The following EXOC6B variants were observed in gnomAD, a reference collection of about 807,000 sequenced individuals.
The protein encoded by EXOC6B is SEC15 homolog B.
EXOC6B carries 54 observed loss-of-function variants against 113.5 expected under a neutral mutation model. The ratio of observed to expected loss-of-function variants is 0.48; its 90% CI spans 0.38 to 0.60. EXOC6B has a LOEUF of 0.60. EXOC6B is among the 20% of genes least tolerant of loss of function. The pLI is 0.00. For missense variants in EXOC6B, 797 were observed against 977.5 expected, an observed-to-expected ratio of 0.82 and a Z score of 2.46; for synonymous variants, 357 against 339.0, an observed-to-expected ratio of 1.05 and a Z score of -0.58.
At chr2:72,454,893 G>T (rs1344746569) in intron 18 of EXOC6B, among the ~76,000 whole-genome samples, 1 of 152,102 alleles carries the variant, frequency 6.6e-6, no homozygotes, top group Non-Finnish European at 1.5e-5. Context: ...CTAAACAAAA[G>T]ATCCCAATAC....
chr2:72,375,205 T>C (rs917406833), intron 19 of EXOC6B, among the ~76,000 whole-genome samples: 8 of 152,214 alleles, frequency 5.3e-5, no homozygotes, highest in African/African-American at 1.7e-4. Context: ...AGGATTGATA[T>C]TGATAAATAT....
At chr2:72,532,197 T>A (rs956378396) in intron 8 of EXOC6B, among the ~76,000 whole-genome samples, 16 of 152,170 alleles carry the variant, frequency 1.1e-4, no homozygotes, top group African/African-American at 3.9e-4. Context: ...AAATAAAACA[T>A]AAACGTTCTA....
At chr2:72,721,406 C>A (rs964930453) in intron 5 of EXOC6B, among the ~76,000 whole-genome samples, 213 of 25,752 alleles carry the variant, frequency 8.3e-3, no homozygotes, top group African/African-American at 0.011. Context: ...AGAAAATTCA[C>A]AAAAGAACCA....
intron 6 of EXOC6B, among the ~76,000 whole-genome samples, chr2:72,646,091 T>TA (rs1400830376): frequency 6.6e-6 from 1 of 151,776 alleles, no homozygotes; most frequent in Non-Finnish European, 1.5e-5. Context: ...ATAGACGCAA[T>TA]AAAAAATGAT....
At chr2:72,706,838 A>G (rs1028962531) in intron 6 of EXOC6B, among the ~76,000 whole-genome samples, 2 of 152,172 alleles carry the variant, frequency 1.3e-5, no homozygotes. Context: ...TGCTTTGACC[A>G]CTATAACACG....
At chr2:72,515,199 G>C in intron 8 of EXOC6B, 73 bp from the exon 9 acceptor site, 1 of 1,367,888 alleles carries the variant, frequency 7.3e-7, no homozygotes, top group Non-Finnish European at 1.0e-6. Flanking sequence ...GAAAAGAGAA[G>C]GTCCCAGGTC....
At chr2:72,810,871 T>C (rs932607111) in intron 1 of EXOC6B, among the ~76,000 whole-genome samples, 5 of 151,928 alleles carry the variant, frequency 3.3e-5, no homozygotes, top group Non-Finnish European at 7.4e-5. Flanking sequence ...CTGGGTGACA[T>C]GGCAAAGCCC....
intron 1 of EXOC6B, among the ~76,000 whole-genome samples, chr2:72,788,530 C>T (rs1177686600): frequency 6.6e-6 from 1 of 152,202 alleles, no homozygotes; most frequent in Non-Finnish European, 1.5e-5. Flanking sequence ...GGTGCAGTGG[C>T]TCGCACCTGT....
intron 6 of EXOC6B, among the ~76,000 whole-genome samples, chr2:72,606,523 G>C (rs1670762648): frequency 6.6e-6 from 1 of 152,054 alleles, no homozygotes; most frequent in South Asian, 2.1e-4. Context: ...GAGGACAGGA[G>C]TTGGAGACCA....
chr2:72,327,486 G>A (rs1234356949), intron 20 of EXOC6B, among the ~76,000 whole-genome samples: 1 of 152,020 alleles, frequency 6.6e-6, no homozygotes, highest in Non-Finnish European at 1.5e-5. Flanking sequence ...GTGCTAAAAT[G>A]ATTTTCATAG....
intron 20 of EXOC6B, among the ~76,000 whole-genome samples, chr2:72,317,772 C>T (rs1255713748): frequency 2.0e-5 from 3 of 152,122 alleles, no homozygotes. Context: ...AGAACCACTT[C>T]CTCTCCATTG....
intron 20 of EXOC6B, among the ~76,000 whole-genome samples, chr2:72,237,798 A>G (rs2104493660): frequency 6.6e-6 from 1 of 152,318 alleles, no homozygotes; most frequent in Admixed American, 6.5e-5. Flanking sequence ...GCTGACTTGA[A>G]GTGTGGATGG....
At chr2:72,688,089 T>C (rs186591162) in intron 6 of EXOC6B, among the ~76,000 whole-genome samples, 2 of 152,240 alleles carry the variant, frequency 1.3e-5, no homozygotes, top group Admixed American at 1.3e-4. Flanking sequence ...ATCACCCTAG[T>C]ATTAAAGGGA....
At chr2:72,251,500 A>T (rs1164944678) in intron 20 of EXOC6B, among the ~76,000 whole-genome samples, 1 of 152,216 alleles carries the variant, frequency 6.6e-6, no homozygotes, top group African/African-American at 2.4e-5. Flanking sequence ...CATTTGCAAG[A>T]TGGGTAGAAC....
At chr2:72,612,492 G>GT (rs1553452914) in intron 6 of EXOC6B, among the ~76,000 whole-genome samples, 10 of 151,006 alleles carry the variant, frequency 6.6e-5, no homozygotes, top group African/African-American at 2.4e-4. Context: ...GTGCGCTTAA[G>GT]TAAAAAAAAA....
intron 6 of EXOC6B, among the ~76,000 whole-genome samples, chr2:72,617,024 T>C (rs950630357): frequency 6.6e-6 from 1 of 151,982 alleles, no homozygotes; most frequent in African/African-American, 2.4e-5. Flanking sequence ...ATGAGAGAAA[T>C]TGGCCAAAAC....
At chr2:72,609,805 C>T (rs2104075729) in intron 6 of EXOC6B, among the ~76,000 whole-genome samples, 1 of 152,078 alleles carries the variant, frequency 6.6e-6, no homozygotes, top group South Asian at 2.1e-4. Flanking sequence ...TGCACACACA[C>T]ATAGAAAAAG....
chr2:72,371,893 A>G lies in EXOC6B; in HGVS notation c.2122+7836T>C, dbSNP rs192351809. On this transcript the variant is annotated intron_variant, in intron 19 of 21. Transcript: ENST00000272427. Reference sequence around the variant, plus strand: ...TCGAAAAGGAAGAGGTCAAATTATCATTGTTTGCAGATGATATTATATTTA... The same window carrying G: ...TCGAAAAGGAAGAGGTCAAATTATCGTTGTTTGCAGATGATATTATATTTA... Among the ~76,000 whole-genome samples the G allele has an allele frequency of 4.0e-3, 607 of 152,272 alleles. 4 individuals are homozygous for G. Among genetic ancestry groups the G allele is most frequent in the Non-Finnish European group, 7.2e-3 (489 of 68,004 alleles).
At chr2:72,779,256 C>T (rs1465036717) in intron 1 of EXOC6B, among the ~76,000 whole-genome samples, 1 of 151,680 alleles carries the variant, frequency 6.6e-6, no homozygotes, top group African/African-American at 2.4e-5. Flanking sequence ...CTCAGAATCC[C>T]ACACTCATCC....
Sources: allele counts gnomAD v4.1 joint callset (sites outside exome capture counted in the v4.1 genomes callset), GRCh38; gene constraint gnomAD v4.1.1; transcripts MANE v1.5; gene names NCBI Gene and HGNC (gene_info 2026-07-23, HGNC 2026-07-21).